Variants in SMYD3 observed in about 807,000 individuals in gnomAD.
The protein encoded by SMYD3 is histone-lysine N-methyltransferase SMYD3.
SMYD3 carries 36 observed loss-of-function variants against 57.7 expected under a neutral mutation model. The ratio of observed to expected loss-of-function variants is 0.62; its 90% confidence interval spans 0.48 to 0.82. The LOEUF (loss-of-function observed/expected upper bound fraction) is 0.82, where lower values mean the gene tolerates loss of function less well. Among genes scored for constraint, SMYD3 ranks in the 40% least tolerant of loss-of-function variants. SMYD3 has a pLI of 0.00. For missense variants in SMYD3, 515 were observed against 538.8 expected (o/e 0.96, Z 0.44); for synonymous variants, 211 against 195.0 (o/e 1.08, Z -0.68).
intron 5 of SMYD3, among the ~76,000 whole-genome samples, chr1:246,253,111 G>C (rs867169658): frequency 2.0e-5 from 3 of 151,676 alleles, no homozygotes; most frequent in African/African-American, 7.3e-5. Flanking sequence ...ATTTTTCTGG[G>C]ATTGTTGTGT....
At chr1:246,328,945 G>GT (rs1349083893) in intron 4 of SMYD3, among the ~76,000 whole-genome samples, 1 of 151,694 alleles carries the variant, frequency 6.6e-6, no homozygotes, top group Non-Finnish European at 1.5e-5. Context: ...GCGGTGTTTG[G>GT]TTTTTTGTCC....
intron 5 of SMYD3, among the ~76,000 whole-genome samples, chr1:246,157,027 C>A (rs2062032732): frequency 6.6e-6 from 1 of 152,246 alleles, no homozygotes; most frequent in Non-Finnish European, 1.5e-5. Flanking sequence ...CATACGCAGA[C>A]CGCAAAGCTT....
intron 1 of SMYD3, among the ~76,000 whole-genome samples, chr1:246,446,310 TA>T (rs945533867): frequency 2.4e-4 from 37 of 152,024 alleles, no homozygotes; most frequent in Non-Finnish European, 4.4e-5. Context: ...GATATATCCA[TA>T]AAAAAAGTAT....
In SMYD3 at chr1:246,031,693, C is replaced by T. The variant is rs180821930; in HGVS notation, c.532-101756G>A. Among the ~76,000 whole-genome samples the T allele has an allele frequency of 2.4e-3, 365 of 150,826 alleles. 4 individuals are homozygous for T. Among genetic ancestry groups the T allele is most frequent in the Non-Finnish European group, 4.4e-3 (300 of 67,834 alleles). ...CGGAGGATGCAGTGAGCAGAGATCG[C>T]GCCACTGCACTCCAGCCTGGGCGAC... On this transcript the variant is annotated intron_variant, in intron 5 of 11. Coordinates refer to ENST00000490107, the MANE Select transcript of SMYD3 (RefSeq NM_001167740.2).
At chr1:246,060,401 G>A (rs1385042536) in intron 5 of SMYD3, among the ~76,000 whole-genome samples, 1 of 151,644 alleles carries the variant, frequency 6.6e-6, no homozygotes, top group African/African-American at 2.4e-5. Flanking sequence ...ACATTTATAT[G>A]TGAGAACATT....
At chr1:246,199,621 A>C (rs995891441) in intron 5 of SMYD3, among the ~76,000 whole-genome samples, 1 of 152,240 alleles carries the variant, frequency 6.6e-6, no homozygotes, top group African/African-American at 2.4e-5. Context: ...CACATTTCCA[A>C]TATCTTGTCA....
chr1:246,089,738 G>C (rs2060788629), intron 5 of SMYD3, among the ~76,000 whole-genome samples: 1 of 152,146 alleles, frequency 6.6e-6, no homozygotes, highest in Non-Finnish European at 1.5e-5. Flanking sequence ...ATGATGGTAT[G>C]AACAGGAGAT....
intron 3 of SMYD3, 45 bp from the exon 4 acceptor site, chr1:246,330,582 C>A: frequency 6.6e-7 from 1 of 1,519,312 alleles, no homozygotes; most frequent in South Asian, 1.3e-5. Context: ...TTCAAGTGTT[C>A]CAATATATAA....
chr1:245,750,371 G>C (rs1049411803), intron 11 of SMYD3, among the ~76,000 whole-genome samples: 1 of 152,174 alleles, frequency 6.6e-6, no homozygotes, highest in East Asian at 1.9e-4. Flanking sequence ...CATAGAGGGA[G>C]GCCGTGTACA....
At position 246,463,661 on chromosome 1, in the gene SMYD3, CAAAAA is replaced by C. The variant is rs35482116; in HGVS notation, c.164+43388_164+43392del. Among the ~76,000 whole-genome samples, 8 of 73,126 alleles carry C rather than the reference CAAAAA, an allele frequency of 1.1e-4. No homozygotes were observed. In the East Asian group the frequency reaches 2.1e-3, roughly 19 times the overall value. 48.0% of individuals were successfully genotyped at this position (73,126 alleles called of 152,430 possible). On this transcript the variant is annotated intron_variant, in intron 1 of 11. Transcript: ENST00000490107. ...TGAAACCCCATCTCTACTAAAAATA[CAAAAA>C]AAAAAAAAAAAAAAAAAACATTAGC...
chr1:246,286,812 T>A (rs553334212), intron 5 of SMYD3, among the ~76,000 whole-genome samples: 15 of 152,194 alleles, frequency 9.9e-5, no homozygotes, highest in South Asian at 2.1e-4. Flanking sequence ...ACCATCATTA[T>A]AAAACTGTAG....
At chr1:246,273,247 T>C (rs1207870779) in intron 5 of SMYD3, among the ~76,000 whole-genome samples, 2 of 149,254 alleles carry the variant, frequency 1.3e-5, no homozygotes, top group African/African-American at 2.5e-5. Flanking sequence ...CCTCCCGGGT[T>C]CAAGTGATTC....
rs552437610 is a variant in SMYD3 at position 245,952,876 on chromosome 1, G to A, written c.532-22939C>T. ...CAAGTGCATACAGGGTTGTGTCTCT[G>A]CAAAAGCCTCTACCCATTGAGGTTT... On this transcript the variant is annotated intron_variant, in intron 5 of 11. Transcript: ENST00000490107. 1.1e-4 allele frequency among the ~76,000 whole-genome samples: 16 copies of A among 152,258 alleles called. 1 individual carries two copies. The highest frequency in any genetic ancestry group is 1.0e-3 in the South Asian group (5 of 4,822).
chr1:246,138,481 A>G (rs1431114874), intron 5 of SMYD3, among the ~76,000 whole-genome samples: 1 of 138,380 alleles, frequency 7.2e-6, no homozygotes, highest in East Asian at 1.9e-4. Context: ...GCTGGAGTGC[A>G]GTGGCGCGAT....
intron 1 of SMYD3, among the ~76,000 whole-genome samples, chr1:246,413,584 G>A (rs1250083875): frequency 1.3e-5 from 2 of 152,080 alleles, no homozygotes; most frequent in Non-Finnish European, 2.9e-5. Context: ...TCATGGGGGA[G>A]GATCTCTCGT....
chr1:246,040,462 A>C (rs1322138405), intron 5 of SMYD3, among the ~76,000 whole-genome samples: 1 of 152,260 alleles, frequency 6.6e-6, no homozygotes, highest in Non-Finnish European at 1.5e-5. Flanking sequence ...TAGAAGAAGT[A>C]TCTCAATGAA....
At chr1:246,378,640 CAT>C (rs10673680) in intron 1 of SMYD3, among the ~76,000 whole-genome samples, 13 of 119,556 alleles carry the variant, frequency 1.1e-4, no homozygotes, top group East Asian at 1.1e-3. Flanking sequence ...ATCTCCCCTT[CAT>C]ATATATATAT....
In SMYD3 at chr1:246,468,593, A is replaced by G. The variant is rs533631838; in HGVS notation, c.164+38461T>C. On this transcript the variant is annotated intron_variant, in intron 1 of 11. Coordinates refer to ENST00000490107, the MANE Select transcript of SMYD3 (RefSeq NM_001167740.2). ...GAGGCAGAGGTTGCAGTGGGCCAAG[A>G]TCACACCACTGCACTCCAGCCTGGG... Among the ~76,000 whole-genome samples, 16 of 152,228 alleles carry G rather than the reference A, an allele frequency of 1.1e-4. No individual in the cohort carries two copies. The South Asian group carries it at 3.3e-3, about 32-fold the overall frequency.
chr1:246,102,458 G>A (rs1417414741), intron 5 of SMYD3, among the ~76,000 whole-genome samples: 2 of 151,988 alleles, frequency 1.3e-5, no homozygotes, highest in South Asian at 2.1e-4. Context: ...CCCTTTAATC[G>A]CTGTTCCTCT....
Sources: allele counts gnomAD v4.1 joint callset (sites outside exome capture counted in the v4.1 genomes callset), GRCh38; gene constraint gnomAD v4.1.1; transcripts MANE v1.5; gene names NCBI Gene and HGNC (gene_info 2026-07-23, HGNC 2026-07-21).